LRSAM1: variants seen among roughly 807,000 people sequenced by gnomAD.
LRSAM1 encodes E3 ubiquitin-protein ligase LRSAM1.
A neutral mutation model predicts 118.1 loss-of-function variants in LRSAM1; 96 were observed. The observed-to-expected ratio is 0.81, with a 90% CI of 0.69 to 0.96. The LOEUF is 0.96. Among genes scored for constraint, LRSAM1 ranks in the 40% least tolerant of loss-of-function variants. LRSAM1 has a pLI of 0.00. For synonymous variants in LRSAM1, 322 were observed against 364.2 expected (o/e 0.88, Z 1.32); for missense variants, 804 against 915.5 (o/e 0.88, Z 1.57).
chr9:127,479,246 CT>C (rs1835442335), intron 12 of LRSAM1, 136 bp from the exon 13 acceptor site: 1 of 1,298,546 alleles, frequency 7.7e-7, no homozygotes, highest in African/African-American at 1.5e-5. Flanking sequence ...CAGTTGGGCC[CT>C]GGAGGGGAGT....
At chr9:127,468,823 A>AC (rs1295979311) in intron 10 of LRSAM1, among the ~76,000 whole-genome samples, 1 of 146,816 alleles carries the variant, frequency 6.8e-6, no homozygotes, top group Non-Finnish European at 1.5e-5. Context: ...AAAAAAAAAA[A>AC]AAAAAAAAAA....
chr9:127,481,038 T>C, intron 14 of LRSAM1, 145 bp from the exon 15 acceptor site: 2 of 798,000 alleles, frequency 2.5e-6, no homozygotes, highest in Non-Finnish European at 4.1e-6. Context: ...GTGGTTTCAG[T>C]AACTGGCTAA....
chr9:127,478,165 A>T (rs1302422927), intron 11 of LRSAM1, among the ~76,000 whole-genome samples: 5 of 152,162 alleles, frequency 3.3e-5, no homozygotes, highest in African/African-American at 1.2e-4. Context: ...TACATTATTG[A>T]TGTTTAATAC....
intron 6 of LRSAM1, among the ~76,000 whole-genome samples, chr9:127,457,892 A>T (rs569010313): frequency 6.6e-6 from 1 of 152,204 alleles, no homozygotes; most frequent in South Asian, 2.1e-4. Context: ...GCACAGGCCC[A>T]ATCTGTTATA....
At chr9:127,492,638 G>A (rs901968827) in intron 20 of LRSAM1, among the ~76,000 whole-genome samples, 164 bp from the exon 21 acceptor site, 2 of 152,256 alleles carry the variant, frequency 1.3e-5, no homozygotes, top group African/African-American at 4.8e-5. Context: ...CGGGCTTAGG[G>A]TAAGGGGGCA....
chr9:127,460,535 C>G (rs1372975748), intron 7 of LRSAM1, among the ~76,000 whole-genome samples: 2 of 152,228 alleles, frequency 1.3e-5, no homozygotes, highest in African/African-American at 4.8e-5. Flanking sequence ...CTGTAGTCCC[C>G]TTCTCCCTCC....
At chr9:127,480,323 C>T (rs553246426) in intron 14 of LRSAM1, among the ~76,000 whole-genome samples, 2 of 152,286 alleles carry the variant, frequency 1.3e-5, no homozygotes, top group South Asian at 4.1e-4. Context: ...CTGCGTAACC[C>T]GTTGCACTGA....
chr9:127,471,731 G>A (rs1397358085), intron 10 of LRSAM1, among the ~76,000 whole-genome samples: 1 of 151,386 alleles, frequency 6.6e-6, no homozygotes, highest in Non-Finnish European at 1.5e-5. Flanking sequence ...AGGCTGCAGT[G>A]AGCTGAGATC....
At chr9:127,459,224 T>G (rs556546673) in intron 7 of LRSAM1, among the ~76,000 whole-genome samples, 153 bp downstream of exon 7, 66 of 151,118 alleles carry the variant, frequency 4.4e-4, no homozygotes, top group African/African-American at 1.5e-3. Flanking sequence ...GGGGTTTTTT[T>G]TTTTTTTTTT....
At chr9:127,482,737 C>T (rs533953015) in intron 15 of LRSAM1, among the ~76,000 whole-genome samples, 3 of 152,282 alleles carry the variant, frequency 2.0e-5, no homozygotes, top group Non-Finnish European at 2.9e-5. Context: ...TCTAAGGGAG[C>T]GTCCATCTTT....
At chr9:127,460,182 T>C (rs965807519) in intron 7 of LRSAM1, among the ~76,000 whole-genome samples, 1 of 152,144 alleles carries the variant, frequency 6.6e-6, no homozygotes, top group African/African-American at 2.4e-5. Context: ...TATATTTTAG[T>C]AGAGACGGGG....
intron 20 of LRSAM1, among the ~76,000 whole-genome samples, chr9:127,491,919 C>G (rs1254455524): frequency 6.6e-6 from 1 of 152,234 alleles, no homozygotes; most frequent in African/African-American, 2.4e-5. Context: ...ACCTCAGCCT[C>G]TCCAGCTGCA....
intron 10 of LRSAM1, among the ~76,000 whole-genome samples, chr9:127,473,214 A>C (rs749885530): frequency 6.6e-6 from 1 of 152,232 alleles, no homozygotes; most frequent in African/African-American, 2.4e-5. Flanking sequence ...CTTTGAGTAC[A>C]TCAAAACTTA....
At chr9:127,479,189 C>T (rs373194876) in intron 12 of LRSAM1, among the ~76,000 whole-genome samples, 194 bp from the exon 13 acceptor site, 2 of 152,250 alleles carry the variant, frequency 1.3e-5, no homozygotes, top group East Asian at 3.9e-4. Flanking sequence ...AGCCCAGCAC[C>T]GGGCTCTAGA....
At position 127,497,777 on chromosome 9, in the gene LRSAM1, C is replaced by T. The variant is rs1050862127; in HGVS notation, c.1912+443C>T. 7.2e-5 allele frequency among the ~76,000 whole-genome samples: 11 copies of T among 152,300 alleles called. 1 individual carries two copies. In the South Asian group the frequency reaches 1.9e-3, roughly 26 times the overall value. On this transcript the variant is annotated intron_variant, in intron 24 of 25. Coordinates refer to ENST00000300417, the MANE Select transcript of LRSAM1 (RefSeq NM_001005373.4). ...AGGGGCAAAGGCAGGTCGTGAGGCC[C>T]GTGGGGAGAAGGGGCAGGTGTGGAG...
At position 127,468,810 on chromosome 9, in the gene LRSAM1, CAAAAAAAAAAAAAAA is replaced by C. The variant is rs1185949155; in HGVS notation, c.619+995_619+1009del. 7.9e-4 allele frequency among the ~76,000 whole-genome samples: 13 copies of C among 16,450 alleles called. No individual in the cohort carries two copies. The East Asian group carries it at 0.024, about 31-fold the overall frequency. The allele number at this position is 16,450 out of a possible 152,430, so 10.8% of individuals were successfully genotyped here. ...GCAACATGGTGAAACCCTGTCTCTA[CAAAAAAAAAAAAAAA>C]AAAAAAAAAAAAAATCAGCCAGGCG... On this transcript the variant is annotated intron_variant, in intron 10 of 25. Transcript: ENST00000300417.
At chr9:127,495,874 T>G in intron 22 of LRSAM1, 90 bp from the exon 23 acceptor site, 1 of 1,537,698 alleles carries the variant, frequency 6.5e-7, no homozygotes, top group South Asian at 1.2e-5. Context: ...CTATGTATTA[T>G]GTTATAAATA....
Position 127,492,835 on chromosome 9 carries a change from T to C in LRSAM1, c.1537T>C (p.Ser513Pro), listed in dbSNP as rs748161826. The change falls in exon 21 of 26, where the codon TCC becomes CCC. Residue 513 changes from serine (S) to proline (P), a missense_variant. Coordinates refer to ENST00000300417, the MANE Select transcript of LRSAM1 (RefSeq NM_001005373.4). ...MISEQRWALS[S>P]LLQQLLKEKQ... ...CTCGGAGCAGCGCTGGGCCCTCAGC[T>C]CCCTGCTCCAGCAGCTGCTCAAAGA... 1 of 1,613,882 alleles carries C rather than the reference T, an allele frequency of 6.2e-7. No individual in the cohort carries two copies.
intron 24 of LRSAM1, among the ~76,000 whole-genome samples, chr9:127,499,267 G>A (rs891156411): frequency 3.3e-5 from 5 of 151,950 alleles, no homozygotes; most frequent in Admixed American, 1.3e-4. Context: ...CCAGCTACTC[G>A]GGGGGCAAAG....
Sources: gnomAD v4.1 joint callset for allele counts (sites outside exome capture counted in the v4.1 genomes callset) on GRCh38, gnomAD v4.1.1 for gene constraint, MANE v1.5 for transcripts, NCBI Gene and HGNC (gene_info 2026-07-23, HGNC 2026-07-21) for gene names.